The following CCSER2 variants were observed in gnomAD, a reference collection of about 807,000 sequenced individuals.
CCSER2 encodes the protein coiled-coil serine rich protein 2.
CCSER2 carries 46 observed loss-of-function variants against 92.3 expected under a neutral mutation model. The observed-to-expected ratio is 0.50, with a 90% CI of 0.39 to 0.64. The LOEUF (loss-of-function observed/expected upper bound fraction) is 0.64. CCSER2 is among the 30% of genes least tolerant of loss of function. The probability of loss-of-function intolerance (pLI) is 0.00; values close to 1 mark genes in which losing one functional copy is unlikely to be tolerated. For synonymous variants in CCSER2, 433 were observed against 431.4 expected (o/e 1.00, Z -0.04); for missense variants, 1,244 against 1,238.9 (o/e 1.00, Z -0.06).
At chr10:84,417,914 T>G in intron 4 of CCSER2, 53 bp downstream of exon 4, 1 of 866,944 alleles carries the variant, frequency 1.2e-6, no homozygotes, top group East Asian at 2.4e-5. Context: ...GCTACTCGAC[T>G]GTAGCCAATT....
chr10:84,434,965 A>G (rs1844017202), intron 5 of CCSER2, among the ~76,000 whole-genome samples: 1 of 152,196 alleles, frequency 6.6e-6, no homozygotes, highest in Non-Finnish European at 1.5e-5. Flanking sequence ...GTTGAAAAGT[A>G]TATAGGTTTC....
rs1355510450 is a variant in CCSER2 at position 84,470,444 on chromosome 10, T to G, written c.2221T>G (p.Leu741Val). ...GAAAAAAGATGAAAAGATCCAACTA[T>G]TAGAACTTCAGCTTGTAAGTATTGT... ...IKKKDEKIQL[L>V]ELQLATQHIC... The change falls in exon 8 of 10, where the codon TTA becomes GTA. Residue 741 changes from leucine (L) to valine (V), a missense_variant. Transcript: ENST00000372088. The G allele has an allele frequency of 7.1e-7, 1 of 1,412,774 alleles. No homozygotes were observed. Among genetic ancestry groups the G allele is most frequent in the Admixed American group, 2.6e-5 (1 of 38,140 alleles). 87.5% of individuals were successfully genotyped at this position (1,412,774 alleles called of 1,614,324 possible). A position where few individuals can be genotyped will look rare whatever the true frequency, so the allele number is the denominator to read the frequency against.
At chr10:84,496,730 AT>A (rs1055285140) in intron 9 of CCSER2, among the ~76,000 whole-genome samples, 2 of 150,370 alleles carry the variant, frequency 1.3e-5, no homozygotes, top group Non-Finnish European at 1.5e-5. Flanking sequence ...GCTTTCTTAA[AT>A]TTTTTTTTTG....
chr10:84,371,957 C>T lies in CCSER2; in HGVS notation c.905C>T (p.Ala302Val). The T allele has an allele frequency of 6.2e-7, 1 of 1,613,724 alleles. No individual in the cohort carries two copies. Among genetic ancestry groups the T allele is most frequent in the East Asian group, 2.2e-5 (1 of 44,868 alleles). ...RPYAAGGKKL[A>V]LPNGPGVTST... ...TATGCTGCTGGTGGAAAGAAGTTGGCTTTACCAAATGGCCCAGGTGTAACT... is the reference window on the plus strand; with the variant it reads ...TATGCTGCTGGTGGAAAGAAGTTGGTTTTACCAAATGGCCCAGGTGTAACT... Residue 302 changes from alanine to valine, a missense_variant, in exon 2 of 10, where the codon GCT (alanine) becomes GTT (valine). Ala to Val is a moderately conservative substitution (Grantham distance 64). Coordinates refer to ENST00000372088, the MANE Select transcript of CCSER2 (RefSeq NM_001284240.2).
intron 3 of CCSER2, among the ~76,000 whole-genome samples, chr10:84,386,704 C>T (rs1841230599): frequency 6.6e-6 from 1 of 152,222 alleles, no homozygotes; most frequent in Non-Finnish European, 1.5e-5. Context: ...GCACTCCAGC[C>T]TGGGCAACAG....
At chr10:84,367,251 A>G (rs1845821234) in intron 1 of CCSER2, among the ~76,000 whole-genome samples, 1 of 151,574 alleles carries the variant, frequency 6.6e-6, no homozygotes. Flanking sequence ...ATTTTCTATT[A>G]TGTCCTCCTG....
chr10:84,513,975 CAAT>C lies in CCSER2; in HGVS notation c.2856_2858del (p.Ile953del). 2.0e-6 allele frequency: 3 copies of C among 1,536,618 alleles called. No individual in the cohort carries two copies. Among genetic ancestry groups the C allele is most frequent in the Non-Finnish European group, 2.6e-6 (3 of 1,147,024 alleles). ...AGGACTCCCACTTGTAAAAAGTCAC[CAAT>C]AATCACAACATGTAATTCAGCAAAA... On this transcript the variant is annotated inframe_deletion, in exon 10 of 10. Transcript: ENST00000372088.
chr10:84,360,778 G>C (rs1267202938), intron 1 of CCSER2, among the ~76,000 whole-genome samples: 2 of 152,174 alleles, frequency 1.3e-5, no homozygotes, highest in East Asian at 3.8e-4. Flanking sequence ...AGAAACTCTG[G>C]GAGTGGAGTC....
intron 3 of CCSER2, among the ~76,000 whole-genome samples, chr10:84,408,271 T>C (rs991853840): frequency 1.3e-5 from 2 of 152,228 alleles, no homozygotes; most frequent in African/African-American, 4.8e-5. Context: ...TTTTCAGCAT[T>C]AAAATTGTAG....
intron 1 of CCSER2, among the ~76,000 whole-genome samples, chr10:84,345,041 G>C (rs929113052): frequency 6.6e-6 from 1 of 152,170 alleles, no homozygotes; most frequent in Non-Finnish European, 1.5e-5. Flanking sequence ...ACTTCAGAGA[G>C]TTATTGAAGG....
intron 3 of CCSER2, among the ~76,000 whole-genome samples, chr10:84,416,804 G>A (rs574282469): frequency 1.2e-4 from 19 of 152,188 alleles, no homozygotes; most frequent in Non-Finnish European, 2.5e-4. Flanking sequence ...GGTGGTGGGC[G>A]CCTGTAGTCC....
chr10:84,391,427 CAG>C, intron 3 of CCSER2: 1 of 1,550,046 alleles, frequency 6.5e-7, no homozygotes, highest in Non-Finnish European at 8.9e-7. Flanking sequence ...AGAAGTTCGA[CAG>C]AGTTATTTTG....
intron 3 of CCSER2, among the ~76,000 whole-genome samples, chr10:84,394,175 A>G (rs1243080844): frequency 6.6e-6 from 1 of 152,210 alleles, no homozygotes; most frequent in Non-Finnish European, 1.5e-5. Context: ...ATTATGTTAC[A>G]ATATGAAGTT....
intron 5 of CCSER2, among the ~76,000 whole-genome samples, chr10:84,428,385 C>G (rs993119958): frequency 6.6e-6 from 1 of 152,140 alleles, no homozygotes; most frequent in Non-Finnish European, 1.5e-5. Context: ...GCCGCTGATA[C>G]GACAGGAGGT....
intron 1 of CCSER2, among the ~76,000 whole-genome samples, chr10:84,357,451 G>GTTTTTTGTT (rs1845238576): frequency 1.7e-5 from 2 of 115,550 alleles, no homozygotes; most frequent in Non-Finnish European, 3.6e-5. Flanking sequence ...ATATTTTTGT[G>GTTTTTTGTT]TTTTTTTTTT....
At chr10:84,339,937 G>C (rs562801360) in intron 1 of CCSER2, among the ~76,000 whole-genome samples, 1 of 152,108 alleles carries the variant, frequency 6.6e-6, no homozygotes, top group Admixed American at 6.5e-5. Flanking sequence ...CGCCTCCCAG[G>C]TTCAAGCAAT....
chr10:84,499,508 A>G, intron 9 of CCSER2, among the ~76,000 whole-genome samples: 1 of 152,146 alleles, frequency 6.6e-6, no homozygotes, highest in Non-Finnish European at 1.5e-5. Flanking sequence ...TGTGTGTTTA[A>G]CACCTAAAGT....
chr10:84,506,988 TAA>T (rs1414673509), intron 9 of CCSER2, among the ~76,000 whole-genome samples: 1 of 152,202 alleles, frequency 6.6e-6, no homozygotes, highest in Non-Finnish European at 1.5e-5. Flanking sequence ...TTTTGTTTGG[TAA>T]GAGTCTTCAA....
chr10:84,474,703 T>C (rs1472807323), intron 8 of CCSER2, among the ~76,000 whole-genome samples: 1 of 145,380 alleles, frequency 6.9e-6, no homozygotes, highest in Admixed American at 6.9e-5. Context: ...ACTGACCATA[T>C]AGGGTTATGA....
Sources: gnomAD v4.1 joint callset for allele counts (sites outside exome capture counted in the v4.1 genomes callset) on GRCh38, gnomAD v4.1.1 for gene constraint, MANE v1.5 for transcripts, NCBI Gene and HGNC (gene_info 2026-07-23, HGNC 2026-07-21) for gene names.